The following EEIG1 variants were observed in gnomAD, a reference collection of about 807,000 sequenced individuals.
EEIG1 encodes the protein early estrogen-induced gene 1 protein.
At chr9:127,974,303 G>A in the EEIG1 span, among the ~76,000 whole-genome samples, 1 of 152,098 alleles carries the variant, frequency 6.6e-6, no homozygotes, top group South Asian at 2.1e-4. Flanking sequence ...TGGCTCCACT[G>A]CCCCTGGGTA....
At chr9:127,948,325 G>C in the EEIG1 span, 1 of 1,612,928 alleles carries the variant, frequency 6.2e-7, no homozygotes, top group Non-Finnish European at 8.5e-7. Flanking sequence ...TAGTGCCCGG[G>C]ACTGGGCTCC....
At chr9:127,952,870 C>G in the EEIG1 span, among the ~76,000 whole-genome samples, 1 of 152,290 alleles carries the variant, frequency 6.6e-6, no homozygotes. Context: ...TGCACCACCA[C>G]ACCTGGTTAA....
At chr9:127,962,620 A>T in the EEIG1 span, among the ~76,000 whole-genome samples, 1 of 152,174 alleles carries the variant, frequency 6.6e-6, no homozygotes, top group African/African-American at 2.4e-5. Context: ...GCATGCCAGT[A>T]CCCAACACAT....
chr9:127,949,067 G>A, the EEIG1 span, among the ~76,000 whole-genome samples: 2 of 152,034 alleles, frequency 1.3e-5, no homozygotes, highest in African/African-American at 2.4e-5. Flanking sequence ...TGTAATCCCA[G>A]CACTTTGGGA....
the EEIG1 span, among the ~76,000 whole-genome samples, chr9:127,968,720 A>G: frequency 6.6e-6 from 1 of 152,154 alleles, no homozygotes; most frequent in Non-Finnish European, 1.5e-5. Context: ...TGAGGTGACC[A>G]GGAGATAATT....
chr9:127,980,277 A>G, the EEIG1 span: 2 of 1,009,218 alleles, frequency 2.0e-6, no homozygotes, highest in Non-Finnish European at 2.9e-6. Context: ...CGGAGATCGG[A>G]GTCCGGGGCC....
At chr9:127,954,727 G>T in the EEIG1 span, among the ~76,000 whole-genome samples, 4 of 152,326 alleles carry the variant, frequency 2.6e-5, no homozygotes, top group South Asian at 8.3e-4. Context: ...GCAGAATGGG[G>T]ATTAACCCAA....
chr9:127,948,225 C>T, the EEIG1 span: 2 of 1,613,792 alleles, frequency 1.2e-6, no homozygotes, highest in East Asian at 4.5e-5. Flanking sequence ...TCGATGGTGG[C>T]CTTGGGAAGA....
the EEIG1 span, chr9:127,942,205 A>G: frequency 2.6e-5 from 4 of 152,734 alleles, no homozygotes; most frequent in African/African-American, 9.6e-5. Flanking sequence ...CATCCGCCCC[A>G]GTCTGGGCAG....
the EEIG1 span, among the ~76,000 whole-genome samples, chr9:127,977,945 G>A: frequency 1.3e-5 from 2 of 152,180 alleles, no homozygotes; most frequent in African/African-American, 4.8e-5. Context: ...AGAGAGCTTA[G>A]GTAACTTGCC....
chr9:127,944,649 A>C, the EEIG1 span: 1 of 1,612,526 alleles, frequency 6.2e-7, no homozygotes. Context: ...AGCGTGGCAG[A>C]GCCATCGCGG....
At chr9:127,955,968 C>T in the EEIG1 span, among the ~76,000 whole-genome samples, 1 of 152,200 alleles carries the variant, frequency 6.6e-6, no homozygotes. Context: ...GTGCCTGGCC[C>T]GGTGAAGGCT....
chr9:127,948,360 G>A, the EEIG1 span: 1 of 1,614,084 alleles, frequency 6.2e-7, no homozygotes. Flanking sequence ...GCCTGTGCCA[G>A]CACTCACGTC....
At chr9:127,945,467 T>C in the EEIG1 span, 3 of 1,564,834 alleles carry the variant, frequency 1.9e-6, no homozygotes, top group South Asian at 2.3e-5. This position sits in a 1 kb window ranked among gnomAD's most constrained non-coding sequence, Gnocchi z 6.5. Context: ...TCCACGGTCA[T>C]GCCAAGGCCC....
the EEIG1 span, chr9:127,945,840 G>T: frequency 2.3e-6 from 2 of 872,118 alleles, no homozygotes; most frequent in Non-Finnish European, 1.8e-6. The surrounding 1 kb of genome is among the most constrained non-coding windows in gnomAD (Gnocchi z 6.5). Flanking sequence ...CCCTCACAGA[G>T]CCTCCCATGG....
the EEIG1 span, chr9:127,943,572 G>A: frequency 1.2e-5 from 4 of 326,110 alleles, no homozygotes; most frequent in African/African-American, 2.1e-5. Context: ...TGACCAAGAG[G>A]GCAGTGGGAA....
chr9:127,945,453 G>A, the EEIG1 span: 1 of 1,562,876 alleles, frequency 6.4e-7, no homozygotes, highest in Admixed American at 1.9e-5. This position sits in a 1 kb window ranked among gnomAD's most constrained non-coding sequence, Gnocchi z 6.5. Flanking sequence ...TGCCCTCAGG[G>A]CCCTCCACGG....
the EEIG1 span, among the ~76,000 whole-genome samples, chr9:127,966,915 C>T: frequency 6.6e-6 from 1 of 152,322 alleles, no homozygotes. Flanking sequence ...GGAACCCACC[C>T]CCACTTCCTG....
At chr9:127,948,056 G>C in the EEIG1 span, 11 of 1,607,058 alleles carry the variant, frequency 6.8e-6, no homozygotes, top group African/African-American at 1.5e-4. Flanking sequence ...GGGGCGGACA[G>C]ATGAGGAACT....
Sources: gnomAD v4.1 joint callset for allele counts (sites outside exome capture counted in the v4.1 genomes callset) on GRCh38, gnomAD v4.1.1 for gene constraint, Gnocchi (gnomAD v3.1) non-coding constraint, MANE v1.5 for transcripts, NCBI Gene and HGNC (gene_info 2026-07-23, HGNC 2026-07-21) for gene names.